The following TBC1D5 variants were observed in gnomAD, a reference collection of about 807,000 sequenced individuals.
The protein encoded by TBC1D5 is TBC1 domain family member 5, also known as TBC1 domain family, member 5.
A neutral mutation model predicts 100.3 loss-of-function variants in TBC1D5; 75 were observed. The ratio of observed to expected loss-of-function variants is 0.75; its 90% CI spans 0.62 to 0.91. The LOEUF (loss-of-function observed/expected upper bound fraction) is 0.91, where lower values mean the gene tolerates loss of function less well. TBC1D5 is among the 40% of genes least tolerant of loss of function. TBC1D5 has a pLI of 0.00. For missense variants in TBC1D5, 910 were observed against 942.4 expected (o/e 0.97, Z 0.45); for synonymous variants, 323 against 325.6 (o/e 0.99, Z 0.09).
intron 2 of TBC1D5, among the ~76,000 whole-genome samples, chr3:17,564,550 A>G (rs1178015893): frequency 6.6e-6 from 1 of 152,218 alleles, no homozygotes; most frequent in South Asian, 2.1e-4. Context: ...TTTATGAAAG[A>G]AATAAATTTG....
chr3:17,618,010 C>T (rs1050356868), intron 2 of TBC1D5, among the ~76,000 whole-genome samples: 4 of 152,226 alleles, frequency 2.6e-5, no homozygotes, highest in Admixed American at 1.3e-4. Flanking sequence ...AGCTTTTCTG[C>T]TCTGGTTTCT....
At chr3:17,174,642 G>A (rs2067518367) in intron 19 of TBC1D5, among the ~76,000 whole-genome samples, 1 of 152,148 alleles carries the variant, frequency 6.6e-6, no homozygotes, top group Non-Finnish European at 1.5e-5. Context: ...TGCCCAGGCT[G>A]GAGTGCAGTG....
rs559454759 is a variant in TBC1D5 at position 17,367,629 on chromosome 3, C to G, written c.995+4446G>C. Among the ~76,000 whole-genome samples, 5 of 152,114 alleles carry G rather than the reference C, an allele frequency of 3.3e-5. No individual in the cohort carries two copies. The East Asian group carries it at 9.7e-4, about 29-fold the overall frequency. On this transcript the variant is annotated intron_variant, in intron 13 of 21. Transcript: ENST00000253692. Reference sequence around the variant, plus strand: ...ACCCCAGCACTTTGGGAAGCCCGGGCGGGCAGATCACTCAAGGTCAGGAGT... The same window carrying G: ...ACCCCAGCACTTTGGGAAGCCCGGGGGGGCAGATCACTCAAGGTCAGGAGT...
At chr3:17,608,422 T>G (rs1268150041) in intron 2 of TBC1D5, among the ~76,000 whole-genome samples, 2 of 152,206 alleles carry the variant, frequency 1.3e-5, no homozygotes, top group African/African-American at 4.8e-5. Flanking sequence ...GATCGTCACT[T>G]TAGGATACCC....
chr3:17,276,211 T>G (rs1044953125), intron 15 of TBC1D5, among the ~76,000 whole-genome samples: 2 of 152,136 alleles, frequency 1.3e-5, no homozygotes, highest in Admixed American at 6.6e-5. Context: ...CCTTACGTGG[T>G]GGAAGGGGTG....
chr3:17,584,298 A>G (rs1453877916), intron 2 of TBC1D5, among the ~76,000 whole-genome samples: 14 of 152,198 alleles, frequency 9.2e-5, no homozygotes, highest in Non-Finnish European at 2.1e-4. Context: ...CAGTGTACTC[A>G]ACGCCACGGA....
intron 15 of TBC1D5, among the ~76,000 whole-genome samples, chr3:17,258,940 G>A (rs1311471850): frequency 2.0e-5 from 3 of 152,076 alleles, no homozygotes; most frequent in African/African-American, 7.2e-5. Context: ...TATGCCAAGG[G>A]ATGGAGAGAC....
intron 3 of TBC1D5, among the ~76,000 whole-genome samples, chr3:17,434,621 T>C (rs1050643179): frequency 5.3e-5 from 8 of 152,190 alleles, no homozygotes; most frequent in East Asian, 3.9e-4. Context: ...TGAGGTTGCA[T>C]AGAACAGGGG....
exon 12 of TBC1D5, chr3:17,374,536 C>T (rs376342295): frequency 1.2e-6 from 2 of 1,611,400 alleles, no homozygotes; most frequent in African/African-American, 2.7e-5. Flanking sequence ...TGTGAGAACA[C>T]TGCACTAAAA....
At position 17,690,202 on chromosome 3, in the gene TBC1D5, A is replaced by AT. The variant is rs1330856968; in HGVS notation, c.-101+49140dup. On this transcript the variant is annotated intron_variant, in intron 1 of 21. Coordinates refer to ENST00000253692, the Ensembl canonical transcript of TBC1D5. The stretch of plus-strand genomic sequence containing the variant: ...AGAGAACTGAAGCATAAAAATAGCC[A>AT]TATTTTTTTTTTTTTTTTTTTTTTT... Among the ~76,000 whole-genome samples, 197 of 60,984 alleles carry AT rather than the reference A, an allele frequency of 3.2e-3. 19 individuals are homozygous for AT. The highest frequency in any genetic ancestry group is 8.7e-3 in the African/African-American group (154 of 17,674). The allele number at this position is 60,984 out of a possible 152,430, so 40.0% of individuals were successfully genotyped here. A position where few individuals can be genotyped will look rare whatever the true frequency, so the allele number is the denominator to read the frequency against.
chr3:17,187,683 T>C (rs2069309175), intron 18 of TBC1D5, among the ~76,000 whole-genome samples: 1 of 152,194 alleles, frequency 6.6e-6, no homozygotes, highest in Admixed American at 6.5e-5. Context: ...TAAGTTCTAT[T>C]CCTGGTCCTG....
At position 17,502,404 on chromosome 3, in the gene TBC1D5, C is replaced by T. The variant is rs764870447; in HGVS notation, c.97+6070G>A. Among the ~76,000 whole-genome samples the T allele has an allele frequency of 1.5e-4, 22 of 149,302 alleles. 2 individuals are homozygous for T. Among genetic ancestry groups the T allele is most frequent in the Non-Finnish European group, 2.4e-4 (16 of 67,886 alleles). On this transcript the variant is annotated intron_variant, in intron 3 of 21. Transcript: ENST00000253692. ...ACATCTTAGCTTCTTTGGTATCACA[C>T]CATCCTGGTTTTCCTTCTACTTCTC...
At chr3:17,509,479 T>C (rs1278182044) in intron 2 of TBC1D5, among the ~76,000 whole-genome samples, 1 of 152,016 alleles carries the variant, frequency 6.6e-6, no homozygotes, top group Non-Finnish European at 1.5e-5. Flanking sequence ...TCTCCTTGAT[T>C]CTCATTAACA....
intron 3 of TBC1D5, among the ~76,000 whole-genome samples, chr3:17,475,178 C>G (rs952778701): frequency 4.6e-5 from 7 of 151,326 alleles, no homozygotes; most frequent in Non-Finnish European, 7.4e-5. Context: ...TACCTTGCCC[C>G]GCCCCACCCG....
chr3:17,490,887 A>C (rs1358786437), intron 3 of TBC1D5, among the ~76,000 whole-genome samples: 2 of 152,162 alleles, frequency 1.3e-5, no homozygotes, highest in African/African-American at 2.4e-5. Flanking sequence ...TAGATCTATA[A>C]ATTACTTTCA....
rs189812720 is a variant in TBC1D5 at position 17,525,751 on chromosome 3, G to A, written c.-35-17146C>T. 2.8e-3 allele frequency among the ~76,000 whole-genome samples: 385 copies of A among 137,232 alleles called. 10 individuals carry two copies. The highest frequency in any genetic ancestry group is 3.9e-3 in the Admixed American group (57 of 14,556). 90.0% of individuals were successfully genotyped at this position (137,232 alleles called of 152,430 possible). A position where few individuals can be genotyped will look rare whatever the true frequency, so the allele number is the denominator to read the frequency against. ...CACGTCTTTTTAGTTTCTAAAAAGC[G>A]TCTAGTGTTTTCCTACCTCTCTGTT... On this transcript the variant is annotated intron_variant, in intron 2 of 21. Coordinates refer to ENST00000253692, the Ensembl canonical transcript of TBC1D5.
At chr3:17,729,631 T>C (rs1179752907) in intron 1 of TBC1D5, among the ~76,000 whole-genome samples, 2 of 149,498 alleles carry the variant, frequency 1.3e-5, no homozygotes, top group African/African-American at 4.9e-5. Context: ...CGCTTGAACC[T>C]GGGAGGCAGA....
intron 13 of TBC1D5, among the ~76,000 whole-genome samples, chr3:17,334,388 T>C (rs2087355348): frequency 6.6e-6 from 1 of 152,184 alleles, no homozygotes; most frequent in Non-Finnish European, 1.5e-5. Flanking sequence ...CTACATTAAA[T>C]GAACATACTT....
intron 2 of TBC1D5, among the ~76,000 whole-genome samples, chr3:17,540,281 TGTC>T (rs1413105756): frequency 2.0e-5 from 3 of 152,244 alleles, no homozygotes; most frequent in Non-Finnish European, 4.4e-5. Flanking sequence ...ATTCTGTGGT[TGTC>T]TTTTCACCCT....
Sources: gnomAD v4.1 joint callset for allele counts (sites outside exome capture counted in the v4.1 genomes callset) on GRCh38, gnomAD v4.1.1 for gene constraint, MANE v1.5 for transcripts, NCBI Gene and HGNC (gene_info 2026-07-23, HGNC 2026-07-21) for gene names.